CCM2: variants seen among roughly 807,000 people sequenced by gnomAD.
CCM2 encodes the protein cerebral cavernous malformations 2 protein.
Under a neutral mutation model 44.9 loss-of-function variants are expected in CCM2, and 25 were observed. The ratio of observed to expected loss-of-function variants is 0.56; its 90% CI spans 0.41 to 0.78. The LOEUF is 0.78. Ranked by LOEUF, CCM2 falls within the 30% of genes least tolerant of loss-of-function variation. CCM2 has a pLI of 0.00. For synonymous variants in CCM2, 219 were observed against 241.1 expected, an observed-to-expected ratio of 0.91 and a Z score of 0.85; for missense variants, 481 against 580.6, an observed-to-expected ratio of 0.83 and a Z score of 1.76.
chr7:45,061,555 C>T (rs1798523147), intron 2 of CCM2, among the ~76,000 whole-genome samples: 1 of 150,708 alleles, frequency 6.6e-6, no homozygotes, highest in African/African-American at 2.5e-5. Flanking sequence ...GCAGCCTCAA[C>T]CTCCTGGGCT....
intron 2 of CCM2, among the ~76,000 whole-genome samples, chr7:45,038,678 G>T (rs1234271179): frequency 6.6e-6 from 1 of 152,210 alleles, no homozygotes; most frequent in Non-Finnish European, 1.5e-5. Context: ...AGACTTGGCT[G>T]TGTGAGTAGT....
At chr7:45,064,956 C>G (rs1241506963) in intron 4 of CCM2, among the ~76,000 whole-genome samples, 3 of 152,136 alleles carry the variant, frequency 2.0e-5, no homozygotes, top group Non-Finnish European at 2.9e-5. Flanking sequence ...TGGAGTTGCC[C>G]CTCTGCCCAG....
intron 2 of CCM2, among the ~76,000 whole-genome samples, chr7:45,053,889 TC>T (rs1798126758): frequency 6.6e-6 from 1 of 152,204 alleles, no homozygotes; most frequent in African/African-American, 2.4e-5. Flanking sequence ...GATACCTGGA[TC>T]CACTTTGCCA....
At chr7:45,068,960 C>T (rs765131791) in intron 5 of CCM2, among the ~76,000 whole-genome samples, 34 of 152,236 alleles carry the variant, frequency 2.2e-4, no homozygotes, top group Non-Finnish European at 8.8e-5. Flanking sequence ...TTCAAGGTGC[C>T]CCCACGCTGA....
At chr7:45,036,529 C>T (rs1377921443) in intron 1 of CCM2, among the ~76,000 whole-genome samples, 1 of 152,048 alleles carries the variant, frequency 6.6e-6, no homozygotes, top group African/African-American at 2.4e-5. Context: ...GGGGCTCATA[C>T]AGGGCAGGGT....
chr7:45,057,758 G>A (rs1583952838), intron 2 of CCM2, among the ~76,000 whole-genome samples: 1 of 152,156 alleles, frequency 6.6e-6, no homozygotes, highest in Non-Finnish European at 1.5e-5. Flanking sequence ...CTAATTATCA[G>A]AAGGGTCTTA....
intron 2 of CCM2, 134 bp from the exon 3 acceptor site, chr7:45,063,784 C>T (rs1562906580): frequency 1.5e-5 from 11 of 711,976 alleles, no homozygotes; most frequent in Admixed American, 6.2e-5. Flanking sequence ...TGGGCCTCCA[C>T]GCGAGCCGGA....
At chr7:45,036,520 G>A (rs1797226298) in intron 1 of CCM2, among the ~76,000 whole-genome samples, 1 of 152,084 alleles carries the variant, frequency 6.6e-6, no homozygotes, top group Non-Finnish European at 1.5e-5. Context: ...TGGTGGGGAG[G>A]GGCTCATACA....
chr7:44,999,974 AG>A (rs1331712706), upstream of CCM2: 1 of 270,050 alleles, frequency 3.7e-6, no homozygotes, highest in African/African-American at 2.4e-5. Flanking sequence ...GCCGTCCTGA[AG>A]GGGCAGGATC....
chr7:45,057,424 G>A (rs890363182), intron 2 of CCM2, among the ~76,000 whole-genome samples: 1 of 152,154 alleles, frequency 6.6e-6, no homozygotes, highest in African/African-American at 2.4e-5. Context: ...GCCTCCCAAA[G>A]TGCTAGGATT....
chr7:45,027,220 G>A (rs971590397), intron 1 of CCM2: 7 of 262,374 alleles, frequency 2.7e-5, no homozygotes, highest in African/African-American at 1.1e-4. Flanking sequence ...CACTGCAAAT[G>A]GGGTAACTGG....
At chr7:45,034,512 CTTTTTTTTTTTTT>C in intron 1 of CCM2, among the ~76,000 whole-genome samples, 1 of 65,232 alleles carries the variant, frequency 1.5e-5, no homozygotes, top group Non-Finnish European at 2.6e-5. Context: ...CATGCCTGGC[CTTTTTTTTTTTTT>C]TTTTTTTTTT....
chr7:45,015,552 C>G (rs1796231870), intron 1 of CCM2, among the ~76,000 whole-genome samples: 1 of 152,230 alleles, frequency 6.6e-6, no homozygotes, highest in South Asian at 2.1e-4. Flanking sequence ...CAGCTCAGCC[C>G]TGACCAACAT....
chr7:45,008,356 CTTTTTTTTTT>C (rs59435094), intron 1 of CCM2, among the ~76,000 whole-genome samples: 4 of 114,792 alleles, frequency 3.5e-5, no homozygotes, highest in Middle Eastern at 5.3e-3. Context: ...GGTACATGTT[CTTTTTTTTTT>C]TTTTTTTTTT....
At position 45,063,946 on chromosome 7, in the gene CCM2, G is replaced by C. The variant is rs778135461; in HGVS notation, c.233G>C (p.Gly78Ala). 2 of 1,613,116 alleles carry C rather than the reference G, an allele frequency of 1.2e-6. No homozygotes were observed. The highest frequency in any genetic ancestry group is 2.7e-5 in the African/African-American group (2 of 74,834). Reference protein sequence around the residue: ...KYLGQLTSIPGYLNPSSRTEI... With the variant: ...KYLGQLTSIPAYLNPSSRTEI... ...TTAGGTCAGTTAACGTCCATACCAG[G>C]ATACCTGAATCCCTCCAGTAGGACT... The change falls in exon 3 of 10, where the codon GGA becomes GCA. Residue 78 changes from glycine to alanine, a missense_variant. Coordinates refer to ENST00000258781, the MANE Select transcript of CCM2 (RefSeq NM_031443.4).
At chr7:45,072,824 C>T in intron 7 of CCM2, 41 bp downstream of exon 7, 5 of 1,532,014 alleles carry the variant, frequency 3.3e-6, no homozygotes, top group Non-Finnish European at 4.5e-6. Context: ...GGGACACGCA[C>T]CAAATGCGTT....
chr7:45,002,926 C>T (rs1795701523), intron 1 of CCM2, among the ~76,000 whole-genome samples: 1 of 152,104 alleles, frequency 6.6e-6, no homozygotes, highest in Non-Finnish European at 1.5e-5. Flanking sequence ...GGTGTGGGGC[C>T]TGGGGAGTAG....
At chr7:45,065,571 A>G (rs934358310) in intron 4 of CCM2, among the ~76,000 whole-genome samples, 1 of 152,188 alleles carries the variant, frequency 6.6e-6, no homozygotes, top group Non-Finnish European at 1.5e-5. Context: ...GAGTGTGTTC[A>G]TTATTGACCC....
chr7:45,050,027 T>C (rs1797929669), intron 2 of CCM2, among the ~76,000 whole-genome samples: 1 of 152,234 alleles, frequency 6.6e-6, no homozygotes, highest in Admixed American at 6.5e-5. Flanking sequence ...AGACCACACA[T>C]ATGACAATGG....
Sources: gnomAD v4.1 joint callset for allele counts (sites outside exome capture counted in the v4.1 genomes callset) on GRCh38, gnomAD v4.1.1 for gene constraint, MANE v1.5 for transcripts, NCBI Gene and HGNC (gene_info 2026-07-23, HGNC 2026-07-21) for gene names.